The following MAF variants were observed in gnomAD, a reference collection of about 807,000 sequenced individuals.
MAF encodes the protein transcription factor Maf.
A neutral mutation model predicts 22.0 loss-of-function variants in MAF; 10 were observed. That is an observed-to-expected ratio of 0.45 (90% CI 0.28 to 0.77). MAF has a LOEUF of 0.77. Among genes scored for constraint, MAF ranks in the 30% least tolerant of loss-of-function variants. MAF has a pLI of 0.12. For missense variants in MAF, 544 were observed against 548.4 expected (o/e 0.99, Z 0.08); for synonymous variants, 337 against 255.8 (o/e 1.32, Z -3.03).
the MAF span, among the ~76,000 whole-genome samples, chr16:79,396,736 A>C: frequency 6.6e-6 from 1 of 152,230 alleles, no homozygotes; most frequent in African/African-American, 2.4e-5. Context: ...AAACACACTG[A>C]TGCCTGCCTC....
the MAF span, among the ~76,000 whole-genome samples, chr16:79,491,218 G>A: frequency 6.6e-6 from 1 of 152,150 alleles, no homozygotes; most frequent in East Asian, 1.9e-4. Flanking sequence ...GTGAGGACCA[G>A]ACTCAAAGGC....
At chr16:79,348,048 T>C in the MAF span, among the ~76,000 whole-genome samples, 3 of 152,258 alleles carry the variant, frequency 2.0e-5, no homozygotes, top group African/African-American at 7.2e-5. Context: ...CCTCTTTCCC[T>C]ACTCAGCGTC....
chr16:79,373,241 T>C, the MAF span, among the ~76,000 whole-genome samples: 1 of 151,906 alleles, frequency 6.6e-6, no homozygotes. Flanking sequence ...TAATCCCCAA[T>C]GTGGTAGTAT....
At chr16:79,594,603 C>G (rs371157295) in intron 1 of MAF, 50 bp from the exon 2 acceptor site, 2 of 1,548,526 alleles carry the variant, frequency 1.3e-6, no homozygotes, top group Non-Finnish European at 1.7e-6. Flanking sequence ...AAAGATCAAA[C>G]GCAGCGTAAA....
the MAF span, among the ~76,000 whole-genome samples, chr16:79,544,725 A>T: frequency 8.2e-5 from 12 of 145,572 alleles, no homozygotes; most frequent in African/African-American, 3.0e-4. Flanking sequence ...GTAAGCTGAG[A>T]TTGCACCACT....
At chr16:79,340,170 T>C in the MAF span, among the ~76,000 whole-genome samples, 61 of 152,138 alleles carry the variant, frequency 4.0e-4, 1 homozygote, top group Middle Eastern at 6.8e-3. Flanking sequence ...GGTGATTTTA[T>C]CAAATACCTG....
chr16:79,585,157 T>C (rs1912759942), downstream of MAF, among the ~76,000 whole-genome samples: 2 of 152,252 alleles, frequency 1.3e-5, no homozygotes, highest in African/African-American at 4.8e-5. Context: ...AATGTTGGTC[T>C]AGTTTTCCAA....
the MAF span, among the ~76,000 whole-genome samples, chr16:79,575,022 A>T: frequency 1.4e-5 from 2 of 143,692 alleles, no homozygotes; most frequent in African/African-American, 2.6e-5. Context: ...ATCACTGGGA[A>T]TTTTTTTTTT....
chr16:79,506,557 T>C, the MAF span, among the ~76,000 whole-genome samples: 1 of 151,980 alleles, frequency 6.6e-6, no homozygotes, highest in Non-Finnish European at 1.5e-5. Flanking sequence ...CCAGGGCTGG[T>C]AGATAAAAAG....
the MAF span, among the ~76,000 whole-genome samples, chr16:79,331,515 C>T: frequency 6.6e-6 from 1 of 152,156 alleles, no homozygotes; most frequent in Non-Finnish European, 1.5e-5. Context: ...TAAAATGGAT[C>T]AATACAGAAC....
the MAF span, among the ~76,000 whole-genome samples, chr16:79,385,767 A>G: frequency 6.6e-6 from 1 of 152,106 alleles, no homozygotes; most frequent in South Asian, 2.1e-4. Context: ...TGGGTGTGGT[A>G]GTACACGCCT....
At chr16:79,568,797 G>A in the MAF span, among the ~76,000 whole-genome samples, 6 of 152,114 alleles carry the variant, frequency 3.9e-5, no homozygotes, top group African/African-American at 1.4e-4. Flanking sequence ...CAGAATCAAG[G>A]CCTGTGTAAA....
the MAF span, among the ~76,000 whole-genome samples, chr16:79,349,218 G>T: frequency 6.6e-6 from 1 of 152,200 alleles, no homozygotes; most frequent in Admixed American, 6.5e-5. Flanking sequence ...GCAGAGCTGG[G>T]ACTCAAAGTA....
the MAF span, among the ~76,000 whole-genome samples, chr16:79,253,638 T>G: frequency 6.6e-6 from 1 of 151,984 alleles, no homozygotes; most frequent in African/African-American, 2.4e-5. Flanking sequence ...TTCTACTCCT[T>G]TCTTCATCTT....
chr16:79,334,287 C>T, the MAF span, among the ~76,000 whole-genome samples: 1 of 152,164 alleles, frequency 6.6e-6, no homozygotes, highest in Non-Finnish European at 1.5e-5. Flanking sequence ...GCTGCTGAGT[C>T]ATGCAAAAAC....
chr16:79,375,541 AGAT>A, the MAF span, among the ~76,000 whole-genome samples: 31 of 152,094 alleles, frequency 2.0e-4, no homozygotes, highest in Admixed American at 4.6e-4. Flanking sequence ...GTAATGATGA[AGAT>A]GATGATGACT....
the MAF span, among the ~76,000 whole-genome samples, chr16:79,562,786 T>C: frequency 6.6e-6 from 1 of 152,288 alleles, no homozygotes; most frequent in Non-Finnish European, 1.5e-5. Context: ...AAGTGGAAGA[T>C]GAAGAGGAGA....
At chr16:79,439,497 T>C in the MAF span, among the ~76,000 whole-genome samples, 2 of 152,080 alleles carry the variant, frequency 1.3e-5, no homozygotes, top group Non-Finnish European at 2.9e-5. Flanking sequence ...CCTGACCTCA[T>C]GATCCACCCA....
the MAF span, among the ~76,000 whole-genome samples, chr16:79,459,453 A>G: frequency 4.6e-5 from 7 of 152,116 alleles, no homozygotes; most frequent in Admixed American, 2.6e-4. Flanking sequence ...TCTTTGTTCA[A>G]TTATCTAGTC....
Sources: gnomAD v4.1 joint callset for allele counts (sites outside exome capture counted in the v4.1 genomes callset) on GRCh38, gnomAD v4.1.1 for gene constraint, MANE v1.5 for transcripts, NCBI Gene and HGNC (gene_info 2026-07-23, HGNC 2026-07-21) for gene names.